The following LOXL3 variants were observed in gnomAD, a reference collection of about 807,000 sequenced individuals.
LOXL3 encodes lysyl oxidase like 3, also known as lysyl oxidase homolog 3.
LOXL3 carries 60 observed loss-of-function variants against 91.8 expected under a neutral mutation model. The ratio of observed to expected loss-of-function variants is 0.65; its 90% CI spans 0.53 to 0.81. The LOEUF (loss-of-function observed/expected upper bound fraction) is 0.81. Ranked by LOEUF, LOXL3 falls within the 30% of genes least tolerant of loss-of-function variation. LOXL3 has a pLI of 0.00. For synonymous variants in LOXL3, 355 were observed against 387.6 expected, an observed-to-expected ratio of 0.92 and a Z score of 0.99; for missense variants, 874 against 1,000.4, an observed-to-expected ratio of 0.87 and a Z score of 1.70.
At chr2:74,552,799 G>A (rs1382669740) in intron 1 of LOXL3, 153 bp from the exon 2 acceptor site, 1 of 653,476 alleles carries the variant, frequency 1.5e-6, no homozygotes. Context: ...CAGGGACCAA[G>A]AGACAGGGAG....
chr2:74,555,646 C>T (rs1224497890), upstream of LOXL3: 2 of 1,614,110 alleles, frequency 1.2e-6, no homozygotes, highest in East Asian at 2.2e-5. This position sits in a 1 kb window ranked among gnomAD's most constrained non-coding sequence, Gnocchi z 6.1. Flanking sequence ...TGGAGAACTC[C>T]TTGTACAGCC....
chr2:74,541,903 G>T (rs1157218187), intron 4 of LOXL3, among the ~76,000 whole-genome samples: 5 of 151,792 alleles, frequency 3.3e-5, no homozygotes, highest in Non-Finnish European at 7.4e-5. Context: ...CCTCATTGAG[G>T]ACCAGTGCTG....
upstream of LOXL3, chr2:74,555,016 T>G (rs1275656413): frequency 1.5e-6 from 2 of 1,377,664 alleles, no homozygotes; most frequent in Non-Finnish European, 2.0e-6. This position sits in a 1 kb window ranked among gnomAD's most constrained non-coding sequence, Gnocchi z 6.1. Flanking sequence ...AGTGGCATCG[T>G]CCTTGGGAAA....
At chr2:74,554,958 CTCCCGGGAAGCG>C, upstream of LOXL3, 1 of 1,454,932 alleles carries the variant, frequency 6.9e-7, no homozygotes, top group Non-Finnish European at 9.4e-7. This position sits in a 1 kb window ranked among gnomAD's most constrained non-coding sequence, Gnocchi z 4.9. Flanking sequence ...GCTTTGCACA[CTCCCGGGAAGCG>C]TCTGTAGTCT....
chr2:74,536,957 G>A lies in LOXL3; in HGVS notation c.693-29C>T. The stretch of plus-strand genomic sequence containing the variant: ...GGGGGACAGGAGTGAGGTGCAGTAG[G>A]GTAAAACAATGCTCCTGCCTCTTGG... On this transcript the variant is annotated intron_variant, in intron 4 of 13. Coordinates refer to ENST00000264094, the MANE Select transcript of LOXL3 (RefSeq NM_032603.5). The surrounding 1 kb of genome is among the most constrained non-coding windows in gnomAD (Gnocchi z 4.5). The A allele has an allele frequency of 1.3e-6, 2 of 1,583,104 alleles. No homozygotes were observed. Among genetic ancestry groups the A allele is most frequent in the Non-Finnish European group, 8.7e-7 (1 of 1,153,558 alleles).
At chr2:74,544,125 G>A (rs1333992964) in intron 4 of LOXL3, among the ~76,000 whole-genome samples, 1 of 151,884 alleles carries the variant, frequency 6.6e-6, no homozygotes, top group African/African-American at 2.4e-5. Context: ...CGAGCATGGT[G>A]AAACCTCGTC....
chr2:74,546,005 C>T (rs1021255624), intron 4 of LOXL3, among the ~76,000 whole-genome samples: 3 of 152,188 alleles, frequency 2.0e-5, no homozygotes, highest in Non-Finnish European at 4.4e-5. Context: ...AAAACATGCT[C>T]CATTCACTGT....
Position 74,534,122 on chromosome 2 carries a change from T to C in LOXL3, c.2054A>G (p.Lys685Arg), listed in dbSNP as rs1222689600. 1 of 1,614,178 alleles carries C rather than the reference T, an allele frequency of 6.2e-7. No homozygotes were observed. Residue 685 changes from lysine to arginine, a missense_variant, in exon 12 of 14, where the codon AAG becomes AGG. Coordinates refer to ENST00000264094, the MANE Select transcript of LOXL3 (RefSeq NM_032603.5). ...DCQWIDITDV[K>R]PGNYILQVVI... is the part of the protein sequence containing the mutation. ...TACCTGGAGAATGTAGTTTCCTGGCTTCACATCCGTGATGTCAATCCACTG... is the reference window on the plus strand; with the variant it reads ...TACCTGGAGAATGTAGTTTCCTGGCCTCACATCCGTGATGTCAATCCACTG...
At position 74,532,629 on chromosome 2, in the gene LOXL3, G is replaced by C; in HGVS notation, c.*977C>G. ...TCTGTGTACTTTCAGCATCCTTGCT[G>C]AACTACAGCTTCGAGAACCAAGCTT... is the stretch of plus-strand genomic sequence containing the variant. On this transcript the variant is annotated 3_prime_UTR_variant, in exon 14 of 14. Coordinates refer to ENST00000264094, the MANE Select transcript of LOXL3 (RefSeq NM_032603.5). 1 of 1,613,386 alleles carries C rather than the reference G, an allele frequency of 6.2e-7. No homozygotes were observed. The highest frequency in any genetic ancestry group is 2.2e-5 in the East Asian group (1 of 44,884).
chr2:74,536,291 C>G lies in LOXL3; in HGVS notation c.1093G>C (p.Gly365Arg), dbSNP rs143457594. Residue 365 changes from glycine to arginine, a missense_variant and splice_region_variant, in exon 6 of 14, where the codon GGC becomes CGC. Transcript: ENST00000264094. This position sits in a 1 kb window ranked among gnomAD's most constrained non-coding sequence, Gnocchi z 4.5. ...EALSGARMGQ[G>R]MGAIHLSEVR... ...CCCTCCCACCTCCATGCCACCTCAC[C>G]CTGCCCCATGCGAGCGCCACTCAGA... is the stretch of plus-strand genomic sequence containing the variant. 2.2e-5 allele frequency: 35 copies of G among 1,613,720 alleles called. No homozygotes were observed. The Admixed American group carries it at 4.8e-4, about 22-fold the overall frequency.
In LOXL3 at chr2:74,549,168, T is replaced by A. The variant is rs1676819803; in HGVS notation, c.692+201A>T. On this transcript the variant is annotated intron_variant, in intron 4 of 13. Coordinates refer to ENST00000264094, the MANE Select transcript of LOXL3 (RefSeq NM_032603.5). The surrounding 1 kb of genome is among the most constrained non-coding windows in gnomAD (Gnocchi z 5.3). ...GAGCGGGAGCCTCGCTGGTCCCCATTTCAGGTACTCCCTTGGGGCACCTTT... is the reference window on the plus strand; with the variant it reads ...GAGCGGGAGCCTCGCTGGTCCCCATATCAGGTACTCCCTTGGGGCACCTTT... 2.1e-6 allele frequency: 1 copy of A among 484,370 alleles called. No individual in the cohort carries two copies. The highest frequency in any genetic ancestry group is 3.4e-6 in the Non-Finnish European group (1 of 291,424). 30.0% of individuals were successfully genotyped at this position (484,370 alleles called of 1,614,324 possible). A position where few individuals can be genotyped will look rare whatever the true frequency, so the allele number is the denominator to read the frequency against.
Position 74,536,548 on chromosome 2 carries a change from T to A in LOXL3, c.913-77A>T. 1 of 1,508,678 alleles carries A rather than the reference T, an allele frequency of 6.6e-7. No individual in the cohort carries two copies. Among genetic ancestry groups the A allele is most frequent in the Non-Finnish European group, 9.0e-7 (1 of 1,112,086 alleles). The allele number at this position is 1,508,678 out of a possible 1,614,324, so 93.5% of individuals were successfully genotyped here. ...GGGCTAAGCAGACCTGGGAGATGAG[T>A]GAGACTTTGGTGGAAGGGAGTGGGT... is the stretch of plus-strand genomic sequence containing the variant. On this transcript the variant is annotated intron_variant, in intron 5 of 13. Coordinates refer to ENST00000264094, the MANE Select transcript of LOXL3 (RefSeq NM_032603.5). This position sits in a 1 kb window ranked among gnomAD's most constrained non-coding sequence, Gnocchi z 4.5.
intron 4 of LOXL3, among the ~76,000 whole-genome samples, chr2:74,545,306 T>C (rs1444826098): frequency 6.6e-6 from 1 of 152,230 alleles, no homozygotes; most frequent in Admixed American, 6.5e-5. Flanking sequence ...CTGGTCTTAC[T>C]GCATCAAGAC....
intron 1 of LOXL3, chr2:74,553,189 G>A (rs1210121204): frequency 6.5e-6 from 1 of 153,760 alleles, no homozygotes; most frequent in East Asian, 1.9e-4. Flanking sequence ...AGGGAGGACA[G>A]ACAGCTGTAC....
chr2:74,549,384 T>C lies in LOXL3; in HGVS notation c.677A>G (p.Asn226Ser), dbSNP rs143485735. Residue 226 changes from asparagine to serine, a missense_variant, in exon 4 of 14, where the codon AAC becomes AGC. Coordinates refer to ENST00000264094, the MANE Select transcript of LOXL3 (RefSeq NM_032603.5). This position sits in a 1 kb window ranked among gnomAD's most constrained non-coding sequence, Gnocchi z 5.3. ...MLGFPSEKRV[N>S]AAFYRLLAQR... is the part of the protein sequence containing the mutation. ...GGCCCCTCACCTGTAGAAGGCCGCGTTGACCCTCTTTTCGCTGGGGAAGCC... is the reference window on the plus strand; with the variant it reads ...GGCCCCTCACCTGTAGAAGGCCGCGCTGACCCTCTTTTCGCTGGGGAAGCC... 6.8e-6 allele frequency: 11 copies of C among 1,608,000 alleles called. No individual in the cohort carries two copies. In the African/African-American group the frequency reaches 1.1e-4, roughly 16 times the overall value.
chr2:74,555,591 T>G, upstream of LOXL3: 1 of 1,614,196 alleles, frequency 6.2e-7, no homozygotes, highest in Non-Finnish European at 8.5e-7. The surrounding 1 kb of genome is among the most constrained non-coding windows in gnomAD (Gnocchi z 6.1). Context: ...AGCTGGACTC[T>G]GGCGCCTACC....
At chr2:74,543,900 CAA>C (rs960168777) in intron 4 of LOXL3, among the ~76,000 whole-genome samples, 7 of 65,156 alleles carry the variant, frequency 1.1e-4, no homozygotes, top group African/African-American at 2.1e-4. Flanking sequence ...GGCTCTGTCT[CAA>C]AAAAAAAAAA....
At chr2:74,546,863 T>C (rs1385585689) in intron 4 of LOXL3, among the ~76,000 whole-genome samples, 1 of 151,250 alleles carries the variant, frequency 6.6e-6, no homozygotes, top group Non-Finnish European at 1.5e-5. Flanking sequence ...ATTACAGTCA[T>C]GCGCCACCAC....
chr2:74,534,046 G>A (rs1161274271), intron 12 of LOXL3, 53 bp from the exon 13 acceptor site: 1 of 1,611,650 alleles, frequency 6.2e-7, no homozygotes, highest in Non-Finnish European at 8.5e-7. Flanking sequence ...GAATTCAAAG[G>A]TGTCTTTAAC....
Sources: gnomAD v4.1 joint callset for allele counts (sites outside exome capture counted in the v4.1 genomes callset) on GRCh38, gnomAD v4.1.1 for gene constraint, Gnocchi (gnomAD v3.1) non-coding constraint, MANE v1.5 for transcripts, NCBI Gene and HGNC (gene_info 2026-07-23, HGNC 2026-07-21) for gene names.